Variants in AGMO observed in about 807,000 individuals in gnomAD.
The protein encoded by AGMO is glyceryl-ether monooxygenase.
Under a neutral mutation model 60.2 loss-of-function variants are expected in AGMO, and 75 were observed. The ratio of observed to expected loss-of-function variants is 1.25; its 90% confidence interval spans 1.03 to 1.51. The LOEUF is 1.51. Ranked by LOEUF, AGMO falls within the 40% of genes most tolerant of loss-of-function variation. The pLI, the probability that AGMO is intolerant of heterozygous loss-of-function variation, is 0.00. For missense variants in AGMO, 763 were observed against 525.5 expected, an observed-to-expected ratio of 1.45 and a Z score of -4.42; for synonymous variants, 261 against 177.1, an observed-to-expected ratio of 1.47 and a Z score of -3.76.
At chr7:15,288,317 C>T (rs1784159522) in intron 12 of AGMO, among the ~76,000 whole-genome samples, 1 of 152,026 alleles carries the variant, frequency 6.6e-6, no homozygotes, top group South Asian at 2.1e-4. Flanking sequence ...ACATTGTTTT[C>T]CTAGTAAAAC....
chr7:15,346,536 T>C (rs1782038621), intron 12 of AGMO, among the ~76,000 whole-genome samples: 2 of 151,782 alleles, frequency 1.3e-5, no homozygotes, highest in Non-Finnish European at 2.9e-5. Context: ...TCTTAAATAA[T>C]ACGATATAAA....
intron 10 of AGMO, among the ~76,000 whole-genome samples, chr7:15,374,108 A>C (rs1026602773): frequency 6.6e-6 from 1 of 152,212 alleles, no homozygotes; most frequent in Non-Finnish European, 1.5e-5. Flanking sequence ...GTTACAACAT[A>C]AACACAAGAG....
chr7:15,320,431 A>G (rs1256292499), intron 12 of AGMO, among the ~76,000 whole-genome samples: 2 of 152,058 alleles, frequency 1.3e-5, no homozygotes, highest in African/African-American at 2.4e-5. Context: ...ATTCTGTAAC[A>G]ATTTAGAAAT....
At chr7:15,389,534 C>A (rs762906230) in intron 8 of AGMO, among the ~76,000 whole-genome samples, 6 of 152,074 alleles carry the variant, frequency 3.9e-5, no homozygotes, top group Non-Finnish European at 7.4e-5. Context: ...GAGAGATAAC[C>A]ACCTTTCTTC....
At chr7:15,371,173 C>G (rs1050878047) in intron 10 of AGMO, among the ~76,000 whole-genome samples, 2 of 152,186 alleles carry the variant, frequency 1.3e-5, no homozygotes, top group Middle Eastern at 3.4e-3. Flanking sequence ...TAGAAGAAAA[C>G]ATTAATACAA....
At chr7:15,134,646 T>A in the AGMO span, among the ~76,000 whole-genome samples, 2 of 152,192 alleles carry the variant, frequency 1.3e-5, no homozygotes, top group African/African-American at 2.4e-5. Flanking sequence ...TTCTTTTTTA[T>A]GGCTATGTAG....
At chr7:15,528,283 T>A (rs12699732) in intron 3 of AGMO, among the ~76,000 whole-genome samples, 119,967 of 151,978 alleles carry the variant, frequency 0.79, 47,508 homozygotes, top group East Asian at 0.96. Flanking sequence ...AACGACAGTG[T>A]AGTATTAGTA....
chr7:15,290,003 C>T (rs1466303376), intron 12 of AGMO, among the ~76,000 whole-genome samples: 12 of 111,068 alleles, frequency 1.1e-4, no homozygotes, highest in African/African-American at 3.9e-4. Flanking sequence ...CCAGGATGGA[C>T]AGTGCAGTCT....
At chr7:15,141,528 G>T in the AGMO span, among the ~76,000 whole-genome samples, 66 of 152,300 alleles carry the variant, frequency 4.3e-4, no homozygotes, top group African/African-American at 1.5e-3. Flanking sequence ...AGCGGTTGCA[G>T]TGAGCAGTGA....
At chr7:15,438,133 A>G (rs1336834879) in intron 3 of AGMO, among the ~76,000 whole-genome samples, 3 of 152,136 alleles carry the variant, frequency 2.0e-5, no homozygotes, top group Non-Finnish European at 4.4e-5. Context: ...TACCTTAAGA[A>G]TTTATCATCT....
intron 12 of AGMO, among the ~76,000 whole-genome samples, chr7:15,246,482 T>G (rs1003654821): frequency 6.6e-6 from 1 of 152,174 alleles, no homozygotes; most frequent in Non-Finnish European, 1.5e-5. Flanking sequence ...TTATTCACAT[T>G]CCACAAATGA....
chr7:15,407,011 ATAT>A (rs1033438566), intron 5 of AGMO, among the ~76,000 whole-genome samples: 1 of 142,294 alleles, frequency 7.0e-6, no homozygotes, highest in African/African-American at 2.5e-5. Context: ...GAATATACAT[ATAT>A]ATGTGTATAT....
chr7:15,313,440 C>T (rs1207652816), intron 12 of AGMO, among the ~76,000 whole-genome samples: 1 of 152,152 alleles, frequency 6.6e-6, no homozygotes, highest in African/African-American at 2.4e-5. Flanking sequence ...TTCAGTCTTA[C>T]TTCTGTCTGT....
intron 3 of AGMO, among the ~76,000 whole-genome samples, chr7:15,452,234 T>C (rs990571567): frequency 6.6e-6 from 1 of 152,120 alleles, no homozygotes; most frequent in African/African-American, 2.4e-5. Flanking sequence ...AAAAAATAGA[T>C]ATACTTCATC....
chr7:15,339,328 A>G (rs909308962), intron 12 of AGMO, among the ~76,000 whole-genome samples: 1 of 152,226 alleles, frequency 6.6e-6, no homozygotes. Flanking sequence ...AGAATTAGAT[A>G]TCCAAATGGA....
At chr7:15,312,251 AT>A (rs1244641001) in intron 12 of AGMO, among the ~76,000 whole-genome samples, 1 of 152,150 alleles carries the variant, frequency 6.6e-6, no homozygotes, top group Non-Finnish European at 1.5e-5. Flanking sequence ...TAAAAATACA[AT>A]TTAATAGCTT....
chr7:15,443,072 T>C (rs1301985175), intron 3 of AGMO, among the ~76,000 whole-genome samples: 5 of 152,212 alleles, frequency 3.3e-5, no homozygotes, highest in Non-Finnish European at 7.3e-5. Context: ...TGAGAGCTAC[T>C]TCCACTCAAT....
intron 12 of AGMO, among the ~76,000 whole-genome samples, chr7:15,326,795 T>A (rs1348663558): frequency 1.3e-5 from 2 of 152,120 alleles, no homozygotes; most frequent in Admixed American, 6.6e-5. Flanking sequence ...GGGAAGTCTA[T>A]GTACAAAAGG....
At chr7:15,339,201 T>TAG (rs1193936038) in intron 12 of AGMO, among the ~76,000 whole-genome samples, 2 of 152,168 alleles carry the variant, frequency 1.3e-5, no homozygotes, top group African/African-American at 4.8e-5. Flanking sequence ...TCATGAGTAC[T>TAG]AGTTGATCAA....
Sources: gnomAD v4.1 joint callset for allele counts (sites outside exome capture counted in the v4.1 genomes callset) on GRCh38, gnomAD v4.1.1 for gene constraint, MANE v1.5 for transcripts, NCBI Gene and HGNC (gene_info 2026-07-23, HGNC 2026-07-21) for gene names.